The following RPH3A variants were observed in gnomAD, a reference collection of about 807,000 sequenced individuals.
RPH3A encodes rabphilin 3A, also known as rabphilin-3A.
A neutral mutation model predicts 102.2 loss-of-function variants in RPH3A; 48 were observed. The ratio of observed to expected loss-of-function variants is 0.47; its 90% CI spans 0.37 to 0.60. The LOEUF (loss-of-function observed/expected upper bound fraction) is 0.60. RPH3A is among the 20% of genes least tolerant of loss of function. The pLI is 0.00. For missense variants in RPH3A, 781 were observed against 910.1 expected (o/e 0.86, Z 1.83); for synonymous variants, 310 against 324.3 (o/e 0.96, Z 0.47).
At chr12:112,648,438 A>G (rs2039947874) in intron 1 of RPH3A, among the ~76,000 whole-genome samples, 1 of 151,254 alleles carries the variant, frequency 6.6e-6, no homozygotes, top group African/African-American at 2.4e-5. Context: ...CTCAGAGATA[A>G]AATTACTGGT....
At chr12:112,597,391 C>T (rs1159311751) in intron 1 of RPH3A, among the ~76,000 whole-genome samples, 5 of 151,872 alleles carry the variant, frequency 3.3e-5, no homozygotes, top group African/African-American at 9.7e-5. Context: ...AAGACCAGCC[C>T]GGGCAACATG....
chr12:112,739,203 CTG>C (rs1398053155), intron 1 of RPH3A, among the ~76,000 whole-genome samples: 1 of 152,168 alleles, frequency 6.6e-6, no homozygotes, highest in Non-Finnish European at 1.5e-5. Flanking sequence ...AGTGATAGTT[CTG>C]TGAGTTAAAT....
At chr12:112,862,962 A>G (rs1289994707) in intron 5 of RPH3A, among the ~76,000 whole-genome samples, 1 of 150,938 alleles carries the variant, frequency 6.6e-6, no homozygotes. Context: ...GCTGGGACCC[A>G]GTCCATGGAG....
At chr12:112,712,771 G>A in intron 1 of RPH3A, among the ~76,000 whole-genome samples, 1 of 151,908 alleles carries the variant, frequency 6.6e-6, no homozygotes, top group Non-Finnish European at 1.5e-5. Context: ...GAGTGCAGTG[G>A]TGTGATCATG....
chr12:112,608,211 G>A (rs993496894), intron 1 of RPH3A, among the ~76,000 whole-genome samples: 7 of 151,690 alleles, frequency 4.6e-5, no homozygotes, highest in African/African-American at 7.3e-5. Context: ...TGCCTGCCGG[G>A]TTCAAGTGAT....
intron 1 of RPH3A, among the ~76,000 whole-genome samples, chr12:112,691,266 C>A (rs1362968117): frequency 6.6e-6 from 1 of 152,182 alleles, no homozygotes; most frequent in Non-Finnish European, 1.5e-5. Flanking sequence ...CCCGCCTCGG[C>A]CTCCCAAAGT....
At chr12:112,615,353 C>T (rs1428253128) in intron 1 of RPH3A, among the ~76,000 whole-genome samples, 1 of 152,178 alleles carries the variant, frequency 6.6e-6, no homozygotes, top group Non-Finnish European at 1.5e-5. Flanking sequence ...TTGGGGCCTC[C>T]AGTGATTGTT....
intron 1 of RPH3A, among the ~76,000 whole-genome samples, chr12:112,770,906 CT>C (rs201086946): frequency 0.03 from 4,514 of 152,246 alleles, 122 homozygotes; most frequent in Non-Finnish European, 0.042. Context: ...TTGTTTGTTG[CT>C]TTCAGGTATT....
At chr12:112,877,043 T>C (rs552736792) in intron 13 of RPH3A, among the ~76,000 whole-genome samples, 177 bp downstream of exon 13, 1 of 152,332 alleles carries the variant, frequency 6.6e-6, no homozygotes, top group South Asian at 2.1e-4. Flanking sequence ...ATTCACAAAA[T>C]ATCAGCTTCC....
intron 1 of RPH3A, among the ~76,000 whole-genome samples, chr12:112,761,584 C>T (rs1409148968): frequency 1.3e-5 from 2 of 152,180 alleles, no homozygotes; most frequent in African/African-American, 4.8e-5. Context: ...TTGCAAGAGG[C>T]GGGGCTCCTG....
intron 1 of RPH3A, among the ~76,000 whole-genome samples, chr12:112,748,560 C>T (rs1338549638): frequency 1.3e-5 from 2 of 152,132 alleles, no homozygotes; most frequent in Non-Finnish European, 2.9e-5. Flanking sequence ...GTCTTGAACT[C>T]CTGGCCTCAA....
intron 1 of RPH3A, among the ~76,000 whole-genome samples, chr12:112,580,831 C>A (rs1483042960): frequency 6.6e-6 from 1 of 152,130 alleles, no homozygotes; most frequent in Non-Finnish European, 1.5e-5. Flanking sequence ...TTGGATGTGA[C>A]TAAAATATCA....
chr12:112,835,141 C>T (rs1246362309), intron 3 of RPH3A, among the ~76,000 whole-genome samples: 2 of 152,194 alleles, frequency 1.3e-5, no homozygotes, highest in African/African-American at 4.8e-5. Context: ...TTTACTACTT[C>T]TTCTATCTAA....
At chr12:112,827,467 C>T (rs2041897737) in intron 2 of RPH3A, among the ~76,000 whole-genome samples, 1 of 152,110 alleles carries the variant, frequency 6.6e-6, no homozygotes, top group Non-Finnish European at 1.5e-5. Context: ...GAATACTGGG[C>T]TGTTTCTACT....
At chr12:112,715,102 A>T (rs1219413628) in intron 1 of RPH3A, among the ~76,000 whole-genome samples, 1 of 152,086 alleles carries the variant, frequency 6.6e-6, no homozygotes, top group Non-Finnish European at 1.5e-5. Context: ...TCATTTTTCC[A>T]TCTCTCCATA....
intron 2 of RPH3A, among the ~76,000 whole-genome samples, chr12:112,801,913 C>T (rs2041362064): frequency 6.6e-6 from 1 of 152,216 alleles, no homozygotes; most frequent in African/African-American, 2.4e-5. Context: ...TTCTTTTCCA[C>T]TCAGCAGTAT....
intron 1 of RPH3A, among the ~76,000 whole-genome samples, chr12:112,697,103 C>A (rs1181650776): frequency 6.6e-6 from 1 of 152,064 alleles, no homozygotes; most frequent in South Asian, 2.1e-4. Context: ...CCCTTTGCCA[C>A]TTCTGGTCAG....
intron 1 of RPH3A, among the ~76,000 whole-genome samples, chr12:112,581,784 C>T (rs904018139): frequency 4.7e-5 from 7 of 148,116 alleles, no homozygotes; most frequent in African/African-American, 1.5e-4. Flanking sequence ...GTGCTTGAAC[C>T]AAAGCTGAAC....
intron 5 of RPH3A, among the ~76,000 whole-genome samples, chr12:112,848,794 G>A (rs1198697783): frequency 6.6e-6 from 1 of 152,152 alleles, no homozygotes; most frequent in African/African-American, 2.4e-5. Context: ...TGGCATGGGT[G>A]TGGGCTGGAG....
Sources: allele counts gnomAD v4.1 joint callset (sites outside exome capture counted in the v4.1 genomes callset), GRCh38; gene constraint gnomAD v4.1.1; transcripts MANE v1.5; gene names NCBI Gene and HGNC (gene_info 2026-07-23, HGNC 2026-07-21).